The following PLPP4 variants were observed in gnomAD, a reference collection of about 807,000 sequenced individuals.
The protein encoded by PLPP4 is phospholipid phosphatase 4, also known as diacylglycerol pyrophosphate like 2.
PLPP4 carries 20 observed loss-of-function variants against 32.2 expected under a neutral mutation model. That is an observed-to-expected ratio of 0.62 (90% CI 0.44 to 0.90). The LOEUF (loss-of-function observed/expected upper bound fraction) is 0.90, where lower values mean the gene tolerates loss of function less well. Ranked by LOEUF, PLPP4 falls within the 40% of genes least tolerant of loss-of-function variation. The pLI is 0.00. For synonymous variants in PLPP4, 127 were observed against 133.0 expected (o/e 0.95, Z 0.31); for missense variants, 257 against 353.1 (o/e 0.73, Z 2.18).
upstream of PLPP4, chr10:120,457,091 G>A: frequency 4.6e-6 from 1 of 216,620 alleles, no homozygotes; most frequent in East Asian, 1.1e-4. Context: ...ATCGCCAGCG[G>A]CCGGCGCGGC....
intron 2 of PLPP4, among the ~76,000 whole-genome samples, chr10:120,506,890 TC>T (rs1845515761): frequency 6.6e-6 from 1 of 152,198 alleles, no homozygotes; most frequent in South Asian, 2.1e-4. Context: ...AACCCAGTGT[TC>T]CTGTTGACCA....
intron 1 of PLPP4, among the ~76,000 whole-genome samples, chr10:120,464,560 G>A (rs976589069): frequency 6.6e-6 from 1 of 152,212 alleles, no homozygotes; most frequent in Non-Finnish European, 1.5e-5. Context: ...CGGAACCCCA[G>A]ATCTTGCTGT....
chr10:120,536,520 A>G (rs192450732), intron 5 of PLPP4, among the ~76,000 whole-genome samples: 59 of 152,202 alleles, frequency 3.9e-4, no homozygotes, highest in African/African-American at 1.4e-3. Flanking sequence ...CTTATCTTAT[A>G]TCATACACAA....
chr10:120,529,649 C>A (rs1324502935), intron 5 of PLPP4, among the ~76,000 whole-genome samples: 1 of 152,102 alleles, frequency 6.6e-6, no homozygotes, highest in Non-Finnish European at 1.5e-5. Context: ...GAGTTCGAGA[C>A]CAGCCTTGAC....
At chr10:120,487,832 A>T (rs1180934567) in intron 1 of PLPP4, among the ~76,000 whole-genome samples, 1 of 152,240 alleles carries the variant, frequency 6.6e-6, no homozygotes, top group Non-Finnish European at 1.5e-5. Context: ...TTGCTTTAGC[A>T]GCTAAGCCAA....
chr10:120,563,354 G>A (rs1848522585), intron 5 of PLPP4, among the ~76,000 whole-genome samples: 1 of 152,134 alleles, frequency 6.6e-6, no homozygotes, highest in Non-Finnish European at 1.5e-5. Flanking sequence ...TAGTTAACAA[G>A]CTTCATAGAA....
intron 2 of PLPP4, among the ~76,000 whole-genome samples, chr10:120,508,492 C>T (rs1375068058): frequency 2.0e-5 from 3 of 152,194 alleles, no homozygotes; most frequent in Admixed American, 1.3e-4. Flanking sequence ...GCTCTGGCTT[C>T]GATCCCTTCT....
intron 1 of PLPP4, among the ~76,000 whole-genome samples, chr10:120,476,701 C>G (rs948120634): frequency 1.3e-5 from 2 of 152,154 alleles, no homozygotes; most frequent in Non-Finnish European, 2.9e-5. Flanking sequence ...TAAATGCTGC[C>G]TCTACCTCTA....
intron 4 of PLPP4, among the ~76,000 whole-genome samples, chr10:120,519,176 A>G (rs1273651556): frequency 2.0e-5 from 3 of 152,178 alleles, no homozygotes; most frequent in African/African-American, 7.2e-5. Flanking sequence ...CTGCCAGCCC[A>G]GGGCCTCCCC....
intron 1 of PLPP4, among the ~76,000 whole-genome samples, chr10:120,463,820 T>G (rs2086496059): frequency 6.6e-6 from 1 of 152,154 alleles, no homozygotes; most frequent in Admixed American, 6.5e-5. Context: ...AGGATTCTTT[T>G]TTTTTGTATA....
At chr10:120,583,699 GGC>G (rs983347344) in intron 6 of PLPP4, among the ~76,000 whole-genome samples, 39 of 152,164 alleles carry the variant, frequency 2.6e-4, no homozygotes, top group African/African-American at 9.2e-4. Context: ...TACAATGTGT[GGC>G]CATTTGTGGC....
At chr10:120,538,204 C>A (rs1272203157) in intron 5 of PLPP4, among the ~76,000 whole-genome samples, 2 of 150,334 alleles carry the variant, frequency 1.3e-5, no homozygotes, top group African/African-American at 4.9e-5. Flanking sequence ...GCAAACATTT[C>A]CTTCCAGGCT....
intron 1 of PLPP4, among the ~76,000 whole-genome samples, chr10:120,500,124 A>G (rs1169551252): frequency 6.6e-6 from 1 of 152,194 alleles, no homozygotes; most frequent in Non-Finnish European, 1.5e-5. Flanking sequence ...AATTTGCTTG[A>G]TAGATGTGTT....
chr10:120,523,318 A>G (rs143954123), intron 5 of PLPP4, among the ~76,000 whole-genome samples: 68 of 152,224 alleles, frequency 4.5e-4, no homozygotes, highest in African/African-American at 1.5e-3. Context: ...GAAAAAAAAA[A>G]AAGCTCAAAA....
intron 6 of PLPP4, among the ~76,000 whole-genome samples, chr10:120,582,295 T>C (rs1351826127): frequency 6.6e-6 from 1 of 152,210 alleles, no homozygotes; most frequent in Non-Finnish European, 1.5e-5. Context: ...TTCCAGCTTC[T>C]AGTAGCCCCA....
rs114815365 is a variant in PLPP4 at position 120,458,297 on chromosome 10, T to C, written c.56+936T>C. ...CAGTGAGCCAAATTCTCTCCCCCTC[T>C]CTGCCCATGGATGTTTTCTGCCACA... On this transcript the variant is annotated intron_variant, in intron 1 of 6. Coordinates refer to ENST00000398250, the MANE Select transcript of PLPP4 (RefSeq NM_001030059.3). 8.3e-3 allele frequency among the ~76,000 whole-genome samples: 1,262 copies of C among 152,342 alleles called. 22 individuals are homozygous for C. The highest frequency in any genetic ancestry group is 0.027 in the African/African-American group (1,114 of 41,576).
chr10:120,466,098 G>A (rs1296800862), intron 1 of PLPP4, among the ~76,000 whole-genome samples: 1 of 152,088 alleles, frequency 6.6e-6, no homozygotes, highest in Non-Finnish European at 1.5e-5. Context: ...TGGCCTCTCT[G>A]TCCAGCTATA....
chr10:120,569,440 T>C (rs12255680), intron 5 of PLPP4, among the ~76,000 whole-genome samples: 15,531 of 152,228 alleles, frequency 0.1, 1,235 homozygotes, highest in African/African-American at 0.21. Context: ...GAACAAAATC[T>C]TCTTTGAAAA....
At chr10:120,506,687 G>A (rs1564802898) in intron 2 of PLPP4, among the ~76,000 whole-genome samples, 2 of 152,148 alleles carry the variant, frequency 1.3e-5, no homozygotes, top group South Asian at 2.1e-4. Flanking sequence ...GAGCCAATTC[G>A]GCAAATGTAA....
Sources: gnomAD v4.1 joint callset for allele counts (sites outside exome capture counted in the v4.1 genomes callset) on GRCh38, gnomAD v4.1.1 for gene constraint, MANE v1.5 for transcripts, NCBI Gene and HGNC (gene_info 2026-07-23, HGNC 2026-07-21) for gene names.